Variants in AFAP1 observed in about 807,000 individuals in gnomAD.
AFAP1 encodes the protein actin filament associated protein 1, also known as actin filament-associated protein 1.
A neutral mutation model predicts 93.9 loss-of-function variants in AFAP1; 75 were observed. The ratio of observed to expected loss-of-function variants is 0.80; its 90% CI spans 0.66 to 0.97. The LOEUF (loss-of-function observed/expected upper bound fraction) is 0.97, where lower values mean the gene tolerates loss of function less well. Among genes scored for constraint, AFAP1 ranks in the 50% least tolerant of loss-of-function variants. The pLI, the probability that AFAP1 is intolerant of heterozygous loss-of-function variation, is 0.00. For missense variants in AFAP1, 1,201 were observed against 1,050.8 expected, an observed-to-expected ratio of 1.14 and a Z score of -1.98; for synonymous variants, 517 against 430.7, an observed-to-expected ratio of 1.20 and a Z score of -2.48.
chr4:7,892,144 G>A (rs1320430938), intron 1 of AFAP1, among the ~76,000 whole-genome samples: 2 of 152,240 alleles, frequency 1.3e-5, no homozygotes, highest in African/African-American at 4.8e-5. Context: ...CACAGGCTAG[G>A]AAGGTCAGGA....
intron 1 of AFAP1, among the ~76,000 whole-genome samples, chr4:7,880,414 G>A (rs957419688): frequency 8.6e-5 from 13 of 151,812 alleles, no homozygotes; most frequent in Non-Finnish European, 2.9e-5. Flanking sequence ...TGAGTAGCTG[G>A]TATTATAGGC....
chr4:7,845,583 A>G (rs924486435), intron 4 of AFAP1, among the ~76,000 whole-genome samples: 1 of 152,078 alleles, frequency 6.6e-6, no homozygotes, highest in Non-Finnish European at 1.5e-5. Context: ...GCTGACTCAA[A>G]GGTGAGAGGC....
At position 7,793,807 on chromosome 4, in the gene AFAP1, A is replaced by G. The variant is rs1288554724; in HGVS notation, c.1286T>C (p.Met429Thr). The G allele has an allele frequency of 6.4e-7, 1 of 1,552,006 alleles. No homozygotes were observed. Among genetic ancestry groups the G allele is most frequent in the Non-Finnish European group, 8.8e-7 (1 of 1,134,020 alleles). Residue 429 changes from methionine (M) to threonine (T), a missense_variant, in exon 11 of 18, where the codon ATG (methionine) becomes ACG (threonine). Transcript: ENST00000420658. The part of the protein sequence containing the change: ...AVLEASSSED[M>T]GRWIGILLAE... Reference sequence around the variant, plus strand: ...GAGTAAAATCCCAATCCACCTGCCCATGTCTTCAGAAGAAGATGCCTGTTG... The same window carrying G: ...GAGTAAAATCCCAATCCACCTGCCCGTGTCTTCAGAAGAAGATGCCTGTTG...
chr4:7,793,058 G>A (rs1369794877), intron 11 of AFAP1, among the ~76,000 whole-genome samples: 1 of 152,052 alleles, frequency 6.6e-6, no homozygotes, highest in East Asian at 1.9e-4. Flanking sequence ...AATCTCCAGG[G>A]GTTCTGTGGA....
chr4:7,844,461 G>A (rs924262922), intron 4 of AFAP1, among the ~76,000 whole-genome samples: 1 of 152,188 alleles, frequency 6.6e-6, no homozygotes, highest in African/African-American at 2.4e-5. Context: ...TGTCACTGCG[G>A]CATGAGCAGA....
rs34764139 is a variant in AFAP1, at chr4:7,921,181, C to CTTTTTT, written c.-3+18469_-3+18474dup. ...CCTACCCTATAAAATGAGAGCAAAA[C>CTTTTTT]TTTTTTTTTTTTTTTTTTTTGAGAT... On this transcript the variant is annotated intron_variant, in intron 1 of 17. Coordinates refer to ENST00000420658, the MANE Select transcript of AFAP1 (RefSeq NM_001134647.2). Among the ~76,000 whole-genome samples, 573 of 95,104 alleles carry CTTTTTT rather than the reference C, an allele frequency of 6.0e-3. 37 individuals carry two copies. The highest frequency in any genetic ancestry group is 0.023 in the East Asian group (63 of 2,796). 62.4% of individuals were successfully genotyped at this position (95,104 alleles called of 152,430 possible).
chr4:7,872,464 T>C (rs538772982), intron 1 of AFAP1, among the ~76,000 whole-genome samples: 2 of 152,272 alleles, frequency 1.3e-5, no homozygotes, highest in African/African-American at 4.8e-5. Flanking sequence ...CAGTAGGGCA[T>C]GGTTTCAGAA....
intron 6 of AFAP1, among the ~76,000 whole-genome samples, chr4:7,837,573 C>A (rs1383448901): frequency 1.3e-5 from 2 of 152,170 alleles, no homozygotes; most frequent in Non-Finnish European, 2.9e-5. Context: ...CATATTTCAT[C>A]AGAGCAATCC....
At chr4:7,803,116 C>A (rs1275283693) in intron 9 of AFAP1, among the ~76,000 whole-genome samples, 1 of 152,122 alleles carries the variant, frequency 6.6e-6, no homozygotes, top group Non-Finnish European at 1.5e-5. Flanking sequence ...CAATGACAGC[C>A]AACTGTATCA....
chr4:7,774,879 T>C lies in AFAP1; in HGVS notation c.1922A>G (p.Lys641Arg), dbSNP rs1715937057. 1.2e-6 allele frequency: 2 copies of C among 1,614,060 alleles called. No individual in the cohort carries two copies. Among genetic ancestry groups the C allele is most frequent in the African/African-American group, 2.7e-5 (2 of 74,940 alleles). ...GSNAAQYKYG[K>R]NRVEADAKRL... ...CTTGGCATCTGCTTCTACCCGGTTC[T>C]TGCCATACTTGTACTGGGCAGCATC... Residue 641 changes from lysine to arginine, a missense_variant, in exon 15 of 18, where the codon AAG becomes AGG. Lys to Arg is a conservative substitution (Grantham distance 26). Transcript: ENST00000420658.
rs116594641 is a variant in AFAP1 at position 7,926,770 on chromosome 4, T to C, written c.-3+12886A>G. 6.2e-3 allele frequency among the ~76,000 whole-genome samples: 938 copies of C among 152,276 alleles called. 6 individuals are homozygous for C. The highest frequency in any genetic ancestry group is 0.02 in the African/African-American group (822 of 41,550). On this transcript the variant is annotated intron_variant, in intron 1 of 17. Transcript: ENST00000420658. ...TTTATTTTTTGATACGGAGTCTCCC[T>C]GTGTCGCCCAAGCTGGAGTGCAGCA...
intron 8 of AFAP1, among the ~76,000 whole-genome samples, chr4:7,811,815 C>A (rs552865250): frequency 2.0e-4 from 31 of 152,300 alleles, no homozygotes; most frequent in African/African-American, 7.5e-4. Flanking sequence ...GCCACGCAGT[C>A]TGTGGTATTC....
intron 17 of AFAP1, 49 bp downstream of exon 17, chr4:7,768,795 T>C (rs1488958999): frequency 6.7e-7 from 1 of 1,492,846 alleles, no homozygotes; most frequent in South Asian, 1.4e-5. Context: ...GCTGGGAGCT[T>C]AAAGTGCCTG....
In AFAP1 at chr4:7,822,490, G is replaced by A. The variant is rs553998933; in HGVS notation, c.727-3319C>T. Reference sequence around the variant, plus strand: ...ACATGCTCTTCATTTTACACTAAAAGGCTGTACCCCATAAAACATAACCTG... The same window carrying A: ...ACATGCTCTTCATTTTACACTAAAAAGCTGTACCCCATAAAACATAACCTG... On this transcript the variant is annotated intron_variant, in intron 6 of 17. Transcript: ENST00000420658. Among the ~76,000 whole-genome samples, 67 of 152,166 alleles carry A rather than the reference G, an allele frequency of 4.4e-4. No individual in the cohort carries two copies. In the East Asian group the frequency reaches 0.01, roughly 23 times the overall value.
At chr4:7,852,814 C>T (rs1714604506) in intron 4 of AFAP1, among the ~76,000 whole-genome samples, 1 of 152,032 alleles carries the variant, frequency 6.6e-6, no homozygotes. Context: ...TTCTTCTTCC[C>T]CCTCTCCCAG....
At chr4:7,864,135 C>G (rs1716105927) in intron 3 of AFAP1, among the ~76,000 whole-genome samples, 1 of 152,422 alleles carries the variant, frequency 6.6e-6, no homozygotes, top group Non-Finnish European at 1.5e-5. Flanking sequence ...AACTTCCCAT[C>G]ACAACACATT....
chr4:7,809,999 C>T (rs911664780), intron 8 of AFAP1, among the ~76,000 whole-genome samples: 2 of 152,162 alleles, frequency 1.3e-5, no homozygotes, highest in African/African-American at 4.8e-5. Flanking sequence ...GCTGGGACCA[C>T]AGGTGCGTGT....
chr4:7,813,083 G>C (rs1720189431), intron 8 of AFAP1, among the ~76,000 whole-genome samples: 1 of 151,614 alleles, frequency 6.6e-6, no homozygotes, highest in Non-Finnish European at 1.5e-5. Flanking sequence ...CTGTGGCTTT[G>C]ACCGCATGGA....
intron 4 of AFAP1, among the ~76,000 whole-genome samples, chr4:7,854,576 T>TAAC (rs1253193300): frequency 1.3e-4 from 20 of 152,184 alleles, no homozygotes; most frequent in African/African-American, 4.3e-4. Context: ...ATGTGGCAGG[T>TAAC]AACAGTATAA....
Sources: gnomAD v4.1 joint callset for allele counts (sites outside exome capture counted in the v4.1 genomes callset) on GRCh38, gnomAD v4.1.1 for gene constraint, MANE v1.5 for transcripts, NCBI Gene and HGNC (gene_info 2026-07-23, HGNC 2026-07-21) for gene names.